Variants in POLD3 observed in about 807,000 individuals in gnomAD.
The protein encoded by POLD3 is DNA polymerase delta 3, accessory subunit.
Under a neutral mutation model 58.2 loss-of-function variants are expected in POLD3, and 19 were observed. The observed-to-expected ratio is 0.33, with a 90% CI of 0.23 to 0.48. The LOEUF (loss-of-function observed/expected upper bound fraction) is 0.48. POLD3 is among the 20% of genes least tolerant of loss of function. The pLI, the probability that POLD3 is intolerant of heterozygous loss-of-function variation, is 0.99. For synonymous variants in POLD3, 172 were observed against 193.5 expected, an observed-to-expected ratio of 0.89 and a Z score of 0.92; for missense variants, 504 against 545.5, an observed-to-expected ratio of 0.92 and a Z score of 0.76.
intron 9 of POLD3, among the ~76,000 whole-genome samples, chr11:74,630,055 T>C (rs961656203): frequency 2.0e-5 from 3 of 152,056 alleles, no homozygotes; most frequent in African/African-American, 7.3e-5. Flanking sequence ...GCATAATGGG[T>C]ATAAAACATT....
intron 4 of POLD3, among the ~76,000 whole-genome samples, chr11:74,662,156 G>A (rs2033213675): frequency 6.6e-6 from 1 of 152,206 alleles, no homozygotes; most frequent in Non-Finnish European, 1.5e-5. Flanking sequence ...TGGATCCCAA[G>A]AGCCCGTTTG....
downstream of POLD3, among the ~76,000 whole-genome samples, chr11:74,646,097 C>T (rs996408184): frequency 2.0e-5 from 3 of 152,000 alleles, no homozygotes; most frequent in South Asian, 6.2e-4. Flanking sequence ...CTCAGCCTCC[C>T]GAGTAGCTGG....
chr11:74,652,556 T>C (rs2033079832), intron 4 of POLD3: 1 of 152,182 alleles, frequency 6.6e-6, no homozygotes. Flanking sequence ...GCAATTTGAA[T>C]TGAGGAAGAA....
intron 11 of POLD3, among the ~76,000 whole-genome samples, chr11:74,637,425 C>CTTTT (rs1565128315): frequency 1.0e-5 from 1 of 95,904 alleles, no homozygotes; most frequent in Non-Finnish European, 2.0e-5. Context: ...TTTTTTTTTT[C>CTTTT]TTTTTCTTCC....
intron 7 of POLD3, 87 bp downstream of exon 7, chr11:74,620,176 G>C: frequency 9.7e-7 from 1 of 1,031,304 alleles, no homozygotes; most frequent in East Asian, 2.4e-5. Context: ...ACTTTGTCTA[G>C]TTTTTGCCAA....
At chr11:74,616,650 A>C (rs995119421) in intron 5 of POLD3, among the ~76,000 whole-genome samples, 1 of 152,230 alleles carries the variant, frequency 6.6e-6, no homozygotes, top group African/African-American at 2.4e-5. Flanking sequence ...TGATGCATAA[A>C]AGATGTGTGT....
At chr11:74,666,223 A>G (rs1054528736) in intron 4 of POLD3, among the ~76,000 whole-genome samples, 1 of 152,252 alleles carries the variant, frequency 6.6e-6, no homozygotes, top group Non-Finnish European at 1.5e-5. Flanking sequence ...TCTGAAATCT[A>G]CAAAGCATTG....
chr11:74,610,011 C>G (rs1007880831), intron 3 of POLD3, among the ~76,000 whole-genome samples: 9 of 152,176 alleles, frequency 5.9e-5, no homozygotes, highest in African/African-American at 2.2e-4. Flanking sequence ...TTTAGGGTTA[C>G]ATTCCTAGAG....
At chr11:74,604,135 TA>T (rs1467398108) in intron 2 of POLD3, among the ~76,000 whole-genome samples, 2 of 152,218 alleles carry the variant, frequency 1.3e-5, no homozygotes, top group Non-Finnish European at 2.9e-5. Context: ...TAGTAGTTCT[TA>T]ATGTTTTGGA....
At chr11:74,625,115 A>T (rs757172679) in intron 7 of POLD3, among the ~76,000 whole-genome samples, 1 of 152,198 alleles carries the variant, frequency 6.6e-6, no homozygotes, top group African/African-American at 2.4e-5. Context: ...GATTTTCCTC[A>T]TCTGAAAATG....
In POLD3 at chr11:74,625,564, A is replaced by G. The variant is rs375954131; in HGVS notation, c.890A>G (p.Glu297Gly). The change falls in exon 8 of 12, where the codon GAA becomes GGA. Residue 297 changes from glutamate (E) to glycine (G), a missense_variant. Coordinates refer to ENST00000263681, the MANE Select transcript of POLD3 (RefSeq NM_006591.3). The part of the protein sequence containing the change: ...KAEPVKVLQK[E>G]KKRGKRVALS... ...GAGCCTGTTAAGGTGCTGCAGAAGG[A>G]AAAAAAAAGGTAGGAAAATTTTGTT... 21 of 1,577,626 alleles carry G rather than the reference A, an allele frequency of 1.3e-5. No homozygotes were observed. The Middle Eastern group carries it at 5.1e-4, about 38-fold the overall frequency.
At chr11:74,651,274 A>G (rs1031980312) in intron 4 of POLD3, among the ~76,000 whole-genome samples, 43 of 152,222 alleles carry the variant, frequency 2.8e-4, no homozygotes, top group African/African-American at 9.6e-5. Context: ...CTCACTGGCC[A>G]TGTGATCCTG....
At chr11:74,618,467 TTC>T in intron 5 of POLD3, 68 bp from the exon 6 acceptor site, 1 of 1,148,138 alleles carries the variant, frequency 8.7e-7, no homozygotes, top group Non-Finnish European at 1.2e-6. Flanking sequence ...AGTTTTTTTT[TTC>T]TTTTTTTGTT....
At chr11:74,668,116 T>G (rs1285420723) in intron 4 of POLD3, among the ~76,000 whole-genome samples, 3 of 152,202 alleles carry the variant, frequency 2.0e-5, no homozygotes, top group African/African-American at 7.2e-5. Context: ...GGAACCTTCA[T>G]CCACAGCTGG....
rs946129848 is a variant in POLD3 at position 74,604,856 on chromosome 11, A to G, written c.219+62A>G. 8.9e-6 allele frequency: 8 copies of G among 903,160 alleles called. No homozygotes were observed. In the Middle Eastern group the frequency reaches 6.5e-4, roughly 74 times the overall value. The allele number at this position is 903,160 out of a possible 1,614,324, so 55.9% of individuals were successfully genotyped here. A position where few individuals can be genotyped will look rare whatever the true frequency, so the allele number is the denominator to read the frequency against. ...TTTGTGTTATGAAGAGTGTTATAAC[A>G]TAGTTCAGGGGAGAGAAAAAAATCA... On this transcript the variant is annotated intron_variant, in intron 3 of 11. Coordinates refer to ENST00000263681, the MANE Select transcript of POLD3 (RefSeq NM_006591.3).
exon 5 of POLD3, chr11:74,668,876 A>C (rs2033306073): frequency 1.3e-4 from 128 of 949,572 alleles, no homozygotes; most frequent in Non-Finnish European, 1.7e-4. Context: ...TGAAGATCTC[A>C]AGCCTCGGAA....
At chr11:74,610,869 G>A (rs1312007142) in intron 3 of POLD3, among the ~76,000 whole-genome samples, 1 of 152,026 alleles carries the variant, frequency 6.6e-6, no homozygotes, top group Non-Finnish European at 1.5e-5. Flanking sequence ...CCGCCTCCCA[G>A]GTTCAAGTGA....
At chr11:74,610,167 T>C (rs1343667344) in intron 3 of POLD3, among the ~76,000 whole-genome samples, 1 of 152,128 alleles carries the variant, frequency 6.6e-6, no homozygotes, top group Non-Finnish European at 1.5e-5. Context: ...GGGCTATTTA[T>C]ATTTCTTTTT....
intron 3 of POLD3, among the ~76,000 whole-genome samples, chr11:74,610,559 A>G (rs1452120121): frequency 6.6e-6 from 1 of 151,934 alleles, no homozygotes; most frequent in Non-Finnish European, 1.5e-5. Flanking sequence ...CTTTAATTTT[A>G]GAAGTTGTGT....
Sources: gnomAD v4.1 joint callset for allele counts (sites outside exome capture counted in the v4.1 genomes callset) on GRCh38, gnomAD v4.1.1 for gene constraint, MANE v1.5 for transcripts, NCBI Gene and HGNC (gene_info 2026-07-23, HGNC 2026-07-21) for gene names.